The following RARB variants were observed in gnomAD, a reference collection of about 807,000 sequenced individuals.
RARB encodes retinoic acid receptor beta, also known as HBV-activated protein.
Under a neutral mutation model 51.9 loss-of-function variants are expected in RARB, and 17 were observed. That is an observed-to-expected ratio of 0.33 (90% confidence interval 0.22 to 0.49). The LOEUF (loss-of-function observed/expected upper bound fraction) is 0.49. RARB is among the 20% of genes least tolerant of loss of function. The probability of loss-of-function intolerance (pLI) is 0.99; values close to 1 mark genes in which losing one functional copy is unlikely to be tolerated. For synonymous variants in RARB, 215 were observed against 195.4 expected (o/e 1.10, Z -0.84); for missense variants, 369 against 550.8 (o/e 0.67, Z 3.30).
At chr3:25,287,754 G>A (rs575034038) in intron 5 of RARB, among the ~76,000 whole-genome samples, 1 of 152,066 alleles carries the variant, frequency 6.6e-6, no homozygotes, top group Non-Finnish European at 1.5e-5. Flanking sequence ...ATTTTCCACT[G>A]TTCAGTTTTT....
In RARB at chr3:25,430,131, C is replaced by G. The variant is rs114797457; in HGVS notation, c.157+1243C>G. Among the ~76,000 whole-genome samples, 964 of 152,288 alleles carry G rather than the reference C, an allele frequency of 6.3e-3. 12 individuals carry two copies. The highest frequency in any genetic ancestry group is 0.021 in the African/African-American group (893 of 41,546). On this transcript the variant is annotated intron_variant, in intron 1 of 7. Transcript: ENST00000330688. ...AGGTTTGTAGCTGAAAAATCAATAACCATTTGATGCCAACAGCCTGGCTGT... is the reference window on the plus strand; with the variant it reads ...AGGTTTGTAGCTGAAAAATCAATAAGCATTTGATGCCAACAGCCTGGCTGT...
At chr3:25,001,861 T>A (rs941391519) in intron 2 of RARB, among the ~76,000 whole-genome samples, 7 of 152,140 alleles carry the variant, frequency 4.6e-5, no homozygotes, top group African/African-American at 1.7e-4. Context: ...CATCTAAACC[T>A]CTGCCCTCCA....
intron 3 of RARB, among the ~76,000 whole-genome samples, chr3:25,104,870 A>G (rs1699469211): frequency 6.6e-6 from 1 of 151,962 alleles, no homozygotes; most frequent in Non-Finnish European, 1.5e-5. Context: ...ATACACACAT[A>G]TGCAAAACTA....
At chr3:25,077,734 A>G (rs1197755512) in intron 3 of RARB, among the ~76,000 whole-genome samples, 1 of 152,080 alleles carries the variant, frequency 6.6e-6, no homozygotes, top group Non-Finnish European at 1.5e-5. Context: ...GTGTATGTAT[A>G]TATATATATT....
chr3:25,321,400 CA>C (rs1340834590), intron 5 of RARB, among the ~76,000 whole-genome samples: 2 of 151,924 alleles, frequency 1.3e-5, no homozygotes, highest in Non-Finnish European at 2.9e-5. Context: ...GAAAATTTAA[CA>C]GAGATAAAAA....
chr3:25,554,453 G>C (rs1699973022), intron 3 of RARB, among the ~76,000 whole-genome samples: 1 of 152,026 alleles, frequency 6.6e-6, no homozygotes, highest in Non-Finnish European at 1.5e-5. Context: ...CTGTGCGTTT[G>C]TTGACGTGTA....
At chr3:25,545,381 G>C (rs566260485) in intron 3 of RARB, among the ~76,000 whole-genome samples, 204 of 152,260 alleles carry the variant, frequency 1.3e-3, no homozygotes, top group Middle Eastern at 6.8e-3. Context: ...GTGTGGCTTA[G>C]ATATCTGCCT....
chr3:24,948,926 CA>C lies in RARB; in HGVS notation c.-380+90175del, dbSNP rs542864527. Among the ~76,000 whole-genome samples the C allele has an allele frequency of 2.4e-4, 36 of 152,250 alleles. No homozygotes were observed. The South Asian group carries it at 5.8e-3, about 25-fold the overall frequency. On this transcript the variant is annotated intron_variant, in intron 2 of 11. Transcript: ENST00000383772. ...GTGCTTCCTGTACAGCCTGTAGAAC[CA>C]TGACAATTATAATTTATTTAAAAAT... is the stretch of plus-strand genomic sequence containing the variant.
chr3:25,143,528 T>G (rs1288463591), intron 4 of RARB, among the ~76,000 whole-genome samples: 1 of 152,168 alleles, frequency 6.6e-6, no homozygotes, highest in Non-Finnish European at 1.5e-5. Flanking sequence ...AAGCTCAGGT[T>G]AGAGTTGGTT....
intron 5 of RARB, among the ~76,000 whole-genome samples, chr3:25,203,099 T>C (rs933036573): frequency 6.6e-6 from 1 of 152,214 alleles, no homozygotes; most frequent in African/African-American, 2.4e-5. Context: ...GGACTTGCTT[T>C]ATGAATCTAG....
At chr3:25,018,383 T>G (rs1697560165) in intron 2 of RARB, among the ~76,000 whole-genome samples, 1 of 152,190 alleles carries the variant, frequency 6.6e-6, no homozygotes, top group African/African-American at 2.4e-5. Context: ...GTTGTTGACC[T>G]GGTTATCATA....
chr3:25,311,981 CT>C (rs1356010985), intron 5 of RARB, among the ~76,000 whole-genome samples: 1 of 151,682 alleles, frequency 6.6e-6, no homozygotes, highest in Non-Finnish European at 1.5e-5. Context: ...TAATGTTGTA[CT>C]TGGTTAGAAA....
intron 2 of RARB, among the ~76,000 whole-genome samples, chr3:25,470,042 C>T (rs1032974734): frequency 1.3e-5 from 2 of 152,150 alleles, no homozygotes; most frequent in African/African-American, 4.8e-5. Flanking sequence ...CACGGTCCAC[C>T]TGAAGCACAG....
intron 5 of RARB, among the ~76,000 whole-genome samples, chr3:25,327,921 T>C (rs907207829): frequency 3.9e-5 from 6 of 152,322 alleles, no homozygotes; most frequent in Admixed American, 6.5e-5. Context: ...AACTATCGAC[T>C]TGCAGAAAAA....
At chr3:25,160,294 A>G (rs1036734527) in intron 4 of RARB, among the ~76,000 whole-genome samples, 4 of 152,232 alleles carry the variant, frequency 2.6e-5, no homozygotes, top group African/African-American at 9.6e-5. Flanking sequence ...TTAACATTTT[A>G]AAGACTTTTC....
At chr3:24,858,257 G>A (rs1702671047) in intron 1 of RARB, among the ~76,000 whole-genome samples, 1 of 151,900 alleles carries the variant, frequency 6.6e-6, no homozygotes, top group South Asian at 2.1e-4. Context: ...AATCTTCACA[G>A]GCCTGAATTA....
intron 5 of RARB, among the ~76,000 whole-genome samples, chr3:25,393,459 G>T (rs190234815): frequency 4.6e-5 from 7 of 152,102 alleles, no homozygotes. Flanking sequence ...GTTTCAATAG[G>T]ATTGGTACCC....
intron 3 of RARB, among the ~76,000 whole-genome samples, chr3:25,066,610 C>A (rs866387520): frequency 7.1e-6 from 1 of 140,540 alleles, no homozygotes; most frequent in African/African-American, 3.1e-5. Context: ...CATAAACACA[C>A]ACACACACAC....
At chr3:25,318,924 T>C (rs762144954) in intron 5 of RARB, among the ~76,000 whole-genome samples, 1 of 152,216 alleles carries the variant, frequency 6.6e-6, no homozygotes, top group Non-Finnish European at 1.5e-5. Flanking sequence ...TTAACTCTTG[T>C]AGTGCCCAGC....
Sources: gnomAD v4.1 joint callset for allele counts (sites outside exome capture counted in the v4.1 genomes callset) on GRCh38, gnomAD v4.1.1 for gene constraint, MANE v1.5 for transcripts, NCBI Gene and HGNC (gene_info 2026-07-23, HGNC 2026-07-21) for gene names.